The following EYA1 variants were observed in gnomAD, a reference collection of about 807,000 sequenced individuals.
EYA1 encodes the protein protein phosphatase EYA1.
EYA1 carries 16 observed loss-of-function variants against 82.0 expected under a neutral mutation model. The observed-to-expected ratio is 0.20, with a 90% confidence interval of 0.13 to 0.30. The LOEUF (loss-of-function observed/expected upper bound fraction) is 0.30, where lower values mean the gene tolerates loss of function less well. Ranked by LOEUF, EYA1 falls within the 10% of genes least tolerant of loss-of-function variation. The probability of loss-of-function intolerance (pLI) is 1.00; values close to 1 mark genes in which losing one functional copy is unlikely to be tolerated. For missense variants in EYA1, 633 were observed against 730.7 expected (o/e 0.87, Z 1.54); for synonymous variants, 261 against 264.4 (o/e 0.99, Z 0.12).
At chr8:71,302,963 C>G (rs1771721570) in intron 7 of EYA1, among the ~76,000 whole-genome samples, 1 of 142,224 alleles carries the variant, frequency 7.0e-6, no homozygotes, top group African/African-American at 2.5e-5. Flanking sequence ...CTTAGCTGGT[C>G]TAAACCCAGT....
chr8:71,296,465 T>C (rs562237088), intron 9 of EYA1, among the ~76,000 whole-genome samples: 2 of 151,078 alleles, frequency 1.3e-5, no homozygotes, highest in Admixed American at 1.3e-4. Flanking sequence ...ACAGAAATCA[T>C]GAAGCATGAG....
At chr8:71,288,686 G>C (rs921564603) in intron 9 of EYA1, among the ~76,000 whole-genome samples, 7 of 152,186 alleles carry the variant, frequency 4.6e-5, no homozygotes, top group Non-Finnish European at 8.8e-5. Flanking sequence ...TTGAAATTCA[G>C]AAGCTATTTT....
At chr8:71,387,966 A>C (rs1829058898) in intron 2 of EYA1, among the ~76,000 whole-genome samples, 2 of 152,308 alleles carry the variant, frequency 1.3e-5, no homozygotes, top group South Asian at 2.1e-4. Flanking sequence ...GACTATGTGA[A>C]GAAGTCCAAG....
At chr8:71,306,382 T>C (rs11993876) in intron 7 of EYA1, among the ~76,000 whole-genome samples, 70,901 of 151,514 alleles carry the variant, frequency 0.47, 17,103 homozygotes, top group East Asian at 0.7. Context: ...TGCAAGAATC[T>C]GAATGTCCAA....
intron 2 of EYA1, among the ~76,000 whole-genome samples, chr8:71,479,742 G>A (rs553056108): frequency 9.6e-4 from 146 of 151,716 alleles, no homozygotes; most frequent in African/African-American, 3.3e-3. Context: ...CCTGAGATGT[G>A]AAGGTGAAGA....
intron 2 of EYA1, chr8:71,449,004 T>C: frequency 6.0e-6 from 1 of 167,884 alleles, no homozygotes; most frequent in Non-Finnish European, 1.4e-5. Context: ...GCCCTGGAGT[T>C]ACGAATGCCG....
At chr8:71,434,240 G>A (rs762162125) in intron 2 of EYA1, among the ~76,000 whole-genome samples, 1 of 152,206 alleles carries the variant, frequency 6.6e-6, no homozygotes, top group African/African-American at 2.4e-5. Flanking sequence ...AAGTTGAAAT[G>A]TTGAGAAATG....
intron 2 of EYA1, among the ~76,000 whole-genome samples, chr8:71,355,372 C>A (rs915877751): frequency 2.6e-5 from 4 of 152,156 alleles, no homozygotes; most frequent in Non-Finnish European, 4.4e-5. Flanking sequence ...ACTAGGTACT[C>A]CCTTATAATT....
rs1451757193 is a variant in EYA1 at position 71,328,788 on chromosome 8, G to T, written c.202+5309C>A. 2.0e-5 allele frequency among the ~76,000 whole-genome samples: 3 copies of T among 152,094 alleles called. No homozygotes were observed. The East Asian group carries it at 5.8e-4, about 29-fold the overall frequency. The stretch of plus-strand genomic sequence containing the variant: ...TGATGTCTCCCCAACATCACCCTGG[G>T]TTATACATCCACTGCTTTTCTCAGT... On this transcript the variant is annotated intron_variant, in intron 4 of 17. Transcript: ENST00000340726.
At chr8:71,229,275 C>T (rs912418077) in intron 12 of EYA1, among the ~76,000 whole-genome samples, 1 of 152,058 alleles carries the variant, frequency 6.6e-6, no homozygotes, top group Non-Finnish European at 1.5e-5. Flanking sequence ...CTTCTCCATC[C>T]CTGACATACT....
chr8:71,260,613 T>A (rs1814981159), intron 11 of EYA1, among the ~76,000 whole-genome samples: 1 of 152,350 alleles, frequency 6.6e-6, no homozygotes, highest in South Asian at 2.1e-4. Context: ...GTGCAACTAT[T>A]TCAGAAAGCA....
chr8:71,491,013 A>C (rs1197136305), intron 2 of EYA1, among the ~76,000 whole-genome samples: 1 of 152,150 alleles, frequency 6.6e-6, no homozygotes, highest in African/African-American at 2.4e-5. Context: ...GTGAATGAAT[A>C]AACCAATGAT....
intron 1 of EYA1, among the ~76,000 whole-genome samples, chr8:71,357,480 C>A (rs573017966): frequency 6.6e-6 from 1 of 152,220 alleles, no homozygotes; most frequent in African/African-American, 2.4e-5. Flanking sequence ...CTCAGGCTAA[C>A]GCCTCAGTAG....
intron 11 of EYA1, among the ~76,000 whole-genome samples, chr8:71,258,370 G>A (rs943595535): frequency 2.0e-5 from 3 of 152,194 alleles, no homozygotes; most frequent in South Asian, 2.1e-4. Context: ...GAGGTTTTGC[G>A]TGTGCAACTT....
chr8:71,457,661 A>G (rs994612324), intron 2 of EYA1, among the ~76,000 whole-genome samples: 1 of 152,208 alleles, frequency 6.6e-6, no homozygotes, highest in Admixed American at 6.5e-5. Context: ...TATCACAAGG[A>G]CAAAAAACCA....
rs73686210 is a variant in EYA1, at chr8:71,546,410, C to T, written c.-73+1454G>A. 4.2e-3 allele frequency among the ~76,000 whole-genome samples: 644 copies of T among 152,142 alleles called. 5 individuals carry two copies. Among genetic ancestry groups the T allele is most frequent in the African/African-American group, 0.015 (607 of 41,496 alleles). On this transcript the variant is annotated intron_variant, in intron 1 of 18. Coordinates refer to the EYA1 transcript ENST00000643681. ...GTCTCTGAACAAAATGGAAGAATGC[C>T]TTCATTGACCAACATGGACATCCTG...
At chr8:71,306,909 C>T (rs996227048) in intron 7 of EYA1, among the ~76,000 whole-genome samples, 1 of 152,202 alleles carries the variant, frequency 6.6e-6, no homozygotes, top group Non-Finnish European at 1.5e-5. Context: ...TCCTGTCTGC[C>T]TCACATAGAG....
intron 2 of EYA1, among the ~76,000 whole-genome samples, chr8:71,442,367 C>T (rs1243914670): frequency 6.6e-6 from 1 of 152,106 alleles, no homozygotes; most frequent in Non-Finnish European, 1.5e-5. Context: ...AAACAAGATT[C>T]CTAGATAATG....
intron 7 of EYA1, among the ~76,000 whole-genome samples, chr8:71,315,604 T>C (rs993367557): frequency 2.0e-5 from 3 of 152,218 alleles, no homozygotes; most frequent in African/African-American, 7.2e-5. Context: ...TTGGCAAGAA[T>C]GAAAGCTCTA....
Sources: gnomAD v4.1 joint callset for allele counts (sites outside exome capture counted in the v4.1 genomes callset) on GRCh38, gnomAD v4.1.1 for gene constraint, MANE v1.5 for transcripts, NCBI Gene and HGNC (gene_info 2026-07-23, HGNC 2026-07-21) for gene names.